CALN1: variants seen among roughly 807,000 people sequenced by gnomAD.
CALN1 encodes calneuron 1.
Under a neutral mutation model 30.6 loss-of-function variants are expected in CALN1, and 17 were observed. The observed-to-expected ratio is 0.56, with a 90% confidence interval of 0.38 to 0.83. The LOEUF (loss-of-function observed/expected upper bound fraction) is 0.83. CALN1 is among the 40% of genes least tolerant of loss of function. CALN1 has a pLI of 0.00. For synonymous variants in CALN1, 156 were observed against 131.4 expected, an observed-to-expected ratio of 1.19 and a Z score of -1.28; for missense variants, 291 against 354.9, an observed-to-expected ratio of 0.82 and a Z score of 1.45.
intron 2 of CALN1, among the ~76,000 whole-genome samples, chr7:72,332,653 G>A (rs1256927118): frequency 6.6e-6 from 1 of 152,108 alleles, no homozygotes; most frequent in African/African-American, 2.4e-5. Flanking sequence ...TAATGCCTGA[G>A]TATTCCATGC....
At chr7:71,852,518 T>C (rs992247138) in intron 5 of CALN1, among the ~76,000 whole-genome samples, 1 of 150,020 alleles carries the variant, frequency 6.7e-6, no homozygotes, top group Non-Finnish European at 1.5e-5. Flanking sequence ...GAGGATCCCT[T>C]GAGCTCAGGA....
At chr7:71,825,395 TG>T (rs1247403157) in intron 5 of CALN1, among the ~76,000 whole-genome samples, 2 of 152,192 alleles carry the variant, frequency 1.3e-5, no homozygotes, top group African/African-American at 4.8e-5. Context: ...TTCCCCCTTT[TG>T]CTTGTCTCTC....
intron 6 of CALN1, among the ~76,000 whole-genome samples, chr7:71,797,494 C>CA (rs1787000013): frequency 6.6e-6 from 1 of 152,154 alleles, no homozygotes; most frequent in African/African-American, 2.4e-5. Flanking sequence ...ACCCAAAACT[C>CA]AAAGGAAGAG....
the CALN1 span, among the ~76,000 whole-genome samples, chr7:72,462,616 C>A: frequency 6.6e-6 from 1 of 152,248 alleles, no homozygotes; most frequent in African/African-American, 2.4e-5. Context: ...GGGACAATGA[C>A]AAAGGAGTGC....
intron 5 of CALN1, among the ~76,000 whole-genome samples, chr7:72,000,453 C>T (rs1799468779): frequency 6.6e-6 from 1 of 151,872 alleles, no homozygotes; most frequent in African/African-American, 2.4e-5. Flanking sequence ...TCCTGGAAAA[C>T]CACAAACCCC....
intron 4 of CALN1, among the ~76,000 whole-genome samples, chr7:72,027,758 C>CAA (rs1491233478): frequency 7.5e-6 from 1 of 133,014 alleles, no homozygotes; most frequent in African/African-American, 2.7e-5. Context: ...CACACACACA[C>CAA]AAAAACACAT....
At chr7:72,193,488 G>C (rs1015632723) in intron 3 of CALN1, among the ~76,000 whole-genome samples, 2 of 152,068 alleles carry the variant, frequency 1.3e-5, no homozygotes, top group Non-Finnish European at 2.9e-5. Flanking sequence ...TTAACATTGG[G>C]GACACATCCT....
chr7:72,062,725 G>A (rs928511624), intron 4 of CALN1, among the ~76,000 whole-genome samples: 1 of 151,926 alleles, frequency 6.6e-6, no homozygotes, highest in African/African-American at 2.4e-5. Flanking sequence ...CCTTTAACTA[G>A]AATGACAAAG....
chr7:72,001,512 C>CAAGGGGAGAAT (rs1001531292), intron 5 of CALN1, among the ~76,000 whole-genome samples: 9 of 152,164 alleles, frequency 5.9e-5, no homozygotes, highest in Admixed American at 5.9e-4. Flanking sequence ...CAGCCCACCC[C>CAAGGGGAGAAT]AAGGGGAGAA....
chr7:72,371,558 C>A (rs1409896997), intron 2 of CALN1, among the ~76,000 whole-genome samples: 1 of 152,074 alleles, frequency 6.6e-6, no homozygotes, highest in Non-Finnish European at 1.5e-5. Context: ...GTGATTGTTT[C>A]CTGAGGCCTC....
intron 4 of CALN1, among the ~76,000 whole-genome samples, chr7:72,050,873 T>A (rs1265917919): frequency 1.3e-5 from 2 of 151,812 alleles, no homozygotes; most frequent in Non-Finnish European, 2.9e-5. Context: ...CATGGTATAA[T>A]CCCAGCTACT....
At chr7:72,126,506 T>G (rs1418689379) in intron 3 of CALN1, among the ~76,000 whole-genome samples, 1 of 152,154 alleles carries the variant, frequency 6.6e-6, no homozygotes, top group African/African-American at 2.4e-5. Flanking sequence ...TTCCTTTGGA[T>G]AGACACCCAA....
intron 5 of CALN1, among the ~76,000 whole-genome samples, chr7:72,006,753 A>G (rs542277114): frequency 2.2e-4 from 34 of 152,188 alleles, no homozygotes; most frequent in Non-Finnish European, 4.1e-4. Context: ...GAAGTGCCAT[A>G]TATTAATTTA....
At chr7:72,054,486 T>C (rs13235989) in intron 4 of CALN1, among the ~76,000 whole-genome samples, 1 of 117,256 alleles carries the variant, frequency 8.5e-6, no homozygotes, top group African/African-American at 4.4e-5. Flanking sequence ...CATACATATA[T>C]ATATACATAT....
chr7:72,278,007 C>CGG (rs1562829603), intron 3 of CALN1, among the ~76,000 whole-genome samples: 1 of 29,866 alleles, frequency 3.3e-5, no homozygotes, highest in Admixed American at 3.6e-4. Context: ...ATCCTCTATT[C>CGG]CGGGGGGGGG....
the CALN1 span, among the ~76,000 whole-genome samples, chr7:72,483,574 C>G: frequency 6.6e-5 from 10 of 152,080 alleles, no homozygotes; most frequent in South Asian, 6.2e-4. Context: ...CGTGAGCCAC[C>G]ACACCAAGCC....
intron 2 of CALN1, among the ~76,000 whole-genome samples, chr7:72,402,533 C>A (rs961298774): frequency 1.3e-5 from 2 of 152,164 alleles, no homozygotes; most frequent in African/African-American, 4.8e-5. Flanking sequence ...TTCCTTGATG[C>A]CAGCATCCAC....
chr7:72,501,782 G>A, the CALN1 span, among the ~76,000 whole-genome samples: 1 of 149,702 alleles, frequency 6.7e-6, no homozygotes, highest in Non-Finnish European at 1.5e-5. Context: ...GGTGGTGGGC[G>A]CCTGTAGTCC....
intron 1 of CALN1, among the ~76,000 whole-genome samples, chr7:72,404,787 G>A (rs971399134): frequency 6.6e-6 from 1 of 152,200 alleles, no homozygotes; most frequent in Non-Finnish European, 1.5e-5. Context: ...AAGAAGGCTT[G>A]AAGAGCTGTA....
Sources: gnomAD v4.1 joint callset for allele counts (sites outside exome capture counted in the v4.1 genomes callset) on GRCh38, gnomAD v4.1.1 for gene constraint, MANE v1.5 for transcripts, NCBI Gene and HGNC (gene_info 2026-07-23, HGNC 2026-07-21) for gene names.